The following DDC variants were observed in gnomAD, a reference collection of about 807,000 sequenced individuals.
DDC encodes the protein dopa decarboxylase.
DDC carries 43 observed loss-of-function variants against 60.0 expected under a neutral mutation model. That is an observed-to-expected ratio of 0.72 (90% CI 0.56 to 0.92). The LOEUF (loss-of-function observed/expected upper bound fraction) is 0.92, where lower values mean the gene tolerates loss of function less well. Ranked by LOEUF, DDC falls within the 40% of genes least tolerant of loss-of-function variation. The pLI, the probability that DDC is intolerant of heterozygous loss-of-function variation, is 0.00. For synonymous variants in DDC, 232 were observed against 234.6 expected (o/e 0.99, Z 0.10); for missense variants, 573 against 620.2 (o/e 0.92, Z 0.81).
At chr7:50,522,530 T>C (rs1163269531) in intron 6 of DDC, among the ~76,000 whole-genome samples, 1 of 152,188 alleles carries the variant, frequency 6.6e-6, no homozygotes, top group Non-Finnish European at 1.5e-5. Flanking sequence ...AGTAGAAAGC[T>C]ATAAATCAAG....
intron 4 of DDC, among the ~76,000 whole-genome samples, chr7:50,532,364 G>A (rs1461180999): frequency 1.3e-5 from 2 of 152,208 alleles, no homozygotes; most frequent in African/African-American, 2.4e-5. Context: ...CTAAAGACTT[G>A]TATGGTCTCT....
intron 4 of DDC, among the ~76,000 whole-genome samples, chr7:50,537,466 GCA>G (rs2044454658): frequency 6.6e-6 from 1 of 152,244 alleles, no homozygotes; most frequent in Non-Finnish European, 1.5e-5. Context: ...GTACTAAAAT[GCA>G]CAGTGTTGTT....
At chr7:50,493,235 C>A (rs534222203) in intron 9 of DDC, among the ~76,000 whole-genome samples, 2 of 152,290 alleles carry the variant, frequency 1.3e-5, no homozygotes, top group African/African-American at 4.8e-5. Flanking sequence ...TCCGCAGTCA[C>A]TAAACAGCCT....
intron 6 of DDC, among the ~76,000 whole-genome samples, chr7:50,507,480 C>A (rs1258928175): frequency 6.6e-6 from 1 of 152,192 alleles, no homozygotes; most frequent in African/African-American, 2.4e-5. Flanking sequence ...GATTCACCCA[C>A]CTCGGTCTCC....
chr7:50,489,566 T>C (rs1016498018), intron 9 of DDC, among the ~76,000 whole-genome samples: 3 of 152,190 alleles, frequency 2.0e-5, no homozygotes, highest in Admixed American at 6.5e-5. Flanking sequence ...GTTAAAAGCC[T>C]CATCTTCAGA....
chr7:50,458,996 A>T (rs1488111749), intron 14 of DDC, among the ~76,000 whole-genome samples, 153 bp from the exon 15 acceptor site: 2 of 136,704 alleles, frequency 1.5e-5, no homozygotes, highest in Non-Finnish European at 3.1e-5. Flanking sequence ...ACGGTCTCCC[A>T]CTGATGCCCA....
At chr7:50,498,296 A>G (rs1194232843) in intron 8 of DDC, among the ~76,000 whole-genome samples, 1 of 152,222 alleles carries the variant, frequency 6.6e-6, no homozygotes, top group Non-Finnish European at 1.5e-5. Flanking sequence ...GCCATCACAC[A>G]TGGGTGAGGT....
chr7:50,510,163 G>GA (rs1188211040), intron 6 of DDC, among the ~76,000 whole-genome samples: 1 of 152,024 alleles, frequency 6.6e-6, no homozygotes, highest in Non-Finnish European at 1.5e-5. Context: ...TTTCAGTAGA[G>GA]AAGGGGTTTC....
intron 6 of DDC, among the ~76,000 whole-genome samples, chr7:50,522,162 A>G (rs1456422226): frequency 1.3e-5 from 2 of 150,678 alleles, no homozygotes; most frequent in Non-Finnish European, 2.9e-5. Flanking sequence ...AAATTTGAAA[A>G]TAAAATAAAA....
chr7:50,507,461 A>G (rs2043431721), intron 6 of DDC, among the ~76,000 whole-genome samples: 2 of 152,088 alleles, frequency 1.3e-5, no homozygotes, highest in African/African-American at 4.8e-5. Context: ...CTAACTTCTG[A>G]CCTCAGGTGA....
At chr7:50,468,057 G>A (rs1045565077) in intron 12 of DDC, among the ~76,000 whole-genome samples, 3 of 152,276 alleles carry the variant, frequency 2.0e-5, no homozygotes, top group Non-Finnish European at 2.9e-5. Flanking sequence ...GCGTAGGCCC[G>A]TGCCTTGCTC....
intron 7 of DDC, among the ~76,000 whole-genome samples, chr7:50,503,423 T>C (rs1425989206): frequency 6.6e-6 from 1 of 152,134 alleles, no homozygotes; most frequent in Non-Finnish European, 1.5e-5. Context: ...CTAGTCTCAA[T>C]GAGAAAACCT....
chr7:50,503,474 G>A (rs1281033956), intron 7 of DDC, among the ~76,000 whole-genome samples: 1 of 152,196 alleles, frequency 6.6e-6, no homozygotes, highest in East Asian at 1.9e-4. Context: ...AGAGTGACCA[G>A]GAAAACATCT....
intron 1 of DDC, among the ~76,000 whole-genome samples, chr7:50,557,565 G>A (rs1051270029): frequency 4.6e-5 from 7 of 152,170 alleles, no homozygotes; most frequent in African/African-American, 1.4e-4. Flanking sequence ...TAATTACAAG[G>A]TGCAGAATTT....
At chr7:50,527,041 G>T (rs1346700588) in intron 6 of DDC, among the ~76,000 whole-genome samples, 1 of 151,672 alleles carries the variant, frequency 6.6e-6, no homozygotes, top group Non-Finnish European at 1.5e-5. Context: ...TACCTCTCTT[G>T]GCAACTAATT....
chr7:50,555,151 G>A (rs1294179769), intron 1 of DDC, among the ~76,000 whole-genome samples: 3 of 152,162 alleles, frequency 2.0e-5, no homozygotes, highest in African/African-American at 4.8e-5. Context: ...CATGGAGGAG[G>A]AGGCTGAGCC....
chr7:50,477,873 A>G (rs12718528), intron 10 of DDC, among the ~76,000 whole-genome samples: 84,135 of 151,702 alleles, frequency 0.55, 23,490 homozygotes, highest in Admixed American at 0.62. Context: ...TGAAACAACA[A>G]CACTCAACAG....
rs761040177 is a variant in DDC at position 50,504,016 on chromosome 7, T to C, written c.758A>G (p.Asn253Ser). 6.2e-6 allele frequency: 10 copies of C among 1,613,832 alleles called. No homozygotes were observed. The highest frequency in any genetic ancestry group is 2.2e-5 in the South Asian group (2 of 91,076). ...LGTTTCCSFD[N>S]LLEVGPICNK... ...ACAGATAGGACCGACTTCTAAGAGA[T>C]TGTCAAAGGAGCAGCATGTTGTGGT... The change falls in exon 7 of 15, where the codon AAT becomes AGT. Residue 253 changes from asparagine to serine, a missense_variant. Physicochemically the swap from Asn to Ser is conservative, Grantham distance 46. Transcript: ENST00000444124.
intron 2 of DDC, 65 bp from the exon 3 acceptor site, chr7:50,540,093 C>T: frequency 8.0e-7 from 1 of 1,257,274 alleles, no homozygotes; most frequent in South Asian, 1.3e-5. Flanking sequence ...GAGCGGGGGA[C>T]CCAGGTACCC....
Sources: gnomAD v4.1 joint callset for allele counts (sites outside exome capture counted in the v4.1 genomes callset) on GRCh38, gnomAD v4.1.1 for gene constraint, MANE v1.5 for transcripts, NCBI Gene and HGNC (gene_info 2026-07-23, HGNC 2026-07-21) for gene names.